CEP97: variants seen among roughly 807,000 people sequenced by gnomAD.
CEP97 encodes the protein centrosomal protein 97.
A neutral mutation model predicts 73.1 loss-of-function variants in CEP97; 43 were observed. That is an observed-to-expected ratio of 0.59 (90% confidence interval 0.46 to 0.76). The LOEUF is 0.76. Among genes scored for constraint, CEP97 ranks in the 30% least tolerant of loss-of-function variants. The pLI is 0.00. For synonymous variants in CEP97, 337 were observed against 370.0 expected (o/e 0.91, Z 1.02); for missense variants, 939 against 1,014.0 (o/e 0.93, Z 1.00).
chr3:101,750,500 C>T (rs1282086016), intron 6 of CEP97, among the ~76,000 whole-genome samples: 1 of 152,114 alleles, frequency 6.6e-6, no homozygotes, highest in Non-Finnish European at 1.5e-5. Context: ...CCAGTTCCTC[C>T]TTGTACCTCT....
At chr3:101,743,060 A>G (rs1467582858) in intron 6 of CEP97, among the ~76,000 whole-genome samples, 2 of 152,038 alleles carry the variant, frequency 1.3e-5, no homozygotes, top group Non-Finnish European at 2.9e-5. Flanking sequence ...TCTGGGCAAT[A>G]TGGTGAAACC....
Position 101,724,682 on chromosome 3 carries a change from G to A in CEP97, c.6G>A (p.Ala2=), listed in dbSNP as rs1937817605. ...ATTATTAGCAAGCAGCAAATATGGCGGTGGCGCGCGTGGACGCGGCTTTGC... is the reference window on the plus strand; with the variant it reads ...ATTATTAGCAAGCAGCAAATATGGCAGTGGCGCGCGTGGACGCGGCTTTGC... M[A]VARVDAALPP... is the part of the protein sequence containing the mutation. Residue 2 remains alanine, a synonymous_variant, in exon 1 of 11, where the codon GCG becomes GCA. Coordinates refer to ENST00000341893, the MANE Select transcript of CEP97 (RefSeq NM_024548.4). 6.2e-7 allele frequency: 1 copy of A among 1,614,224 alleles called. No homozygotes were observed. Among genetic ancestry groups the A allele is most frequent in the Non-Finnish European group, 8.5e-7 (1 of 1,180,036 alleles).
At chr3:101,749,575 C>A (rs1220185820) in intron 6 of CEP97, among the ~76,000 whole-genome samples, 1 of 131,160 alleles carries the variant, frequency 7.6e-6, no homozygotes, top group South Asian at 2.5e-4. Context: ...GCCACACTGA[C>A]TTCCACAATG....
Position 101,755,512 on chromosome 3 carries a change from G to A in CEP97, c.811G>A (p.Ala271Thr), listed in dbSNP as rs567184992. The change falls in exon 7 of 11, where the codon GCT (alanine) becomes ACT (threonine). Residue 271 changes from alanine (A) to threonine (T), a missense_variant. Coordinates refer to ENST00000341893, the MANE Select transcript of CEP97 (RefSeq NM_024548.4). ...GCACATCCAGCTTGTCCAATATCTG[G>A]CTACAGTCTGCCCCCTCACTTCTAC... ...GQHIQLVQYL[A>T]TVCPLTSTLG... 250 of 1,613,886 alleles carry A rather than the reference G, an allele frequency of 1.5e-4. 1 individual carries two copies. The South Asian group carries it at 2.1e-3, about 14-fold the overall frequency.
chr3:101,735,336 C>A (rs893940632), intron 6 of CEP97, among the ~76,000 whole-genome samples: 1 of 152,188 alleles, frequency 6.6e-6, no homozygotes. Flanking sequence ...GAAGAGTGGG[C>A]TCCCACTTGG....
At chr3:101,738,882 A>C (rs1440587553) in intron 6 of CEP97, among the ~76,000 whole-genome samples, 3 of 152,214 alleles carry the variant, frequency 2.0e-5, no homozygotes, top group Non-Finnish European at 2.9e-5. Context: ...TCAAAAAATC[A>C]ATGAATTCAG....
intron 7 of CEP97, among the ~76,000 whole-genome samples, chr3:101,756,685 T>C (rs2107182819): frequency 6.6e-6 from 1 of 152,266 alleles, no homozygotes; most frequent in South Asian, 2.1e-4. Context: ...ACCTATTTGT[T>C]CTTTAATGTA....
At chr3:101,753,997 G>T (rs556260211) in intron 6 of CEP97, among the ~76,000 whole-genome samples, 2 of 150,004 alleles carry the variant, frequency 1.3e-5, no homozygotes, top group Non-Finnish European at 3.0e-5. Context: ...CTTCTGCATC[G>T]CTCATGCTGG....
chr3:101,754,895 G>A (rs761666623), intron 6 of CEP97, among the ~76,000 whole-genome samples: 2 of 140,528 alleles, frequency 1.4e-5, no homozygotes, highest in Non-Finnish European at 3.1e-5. Flanking sequence ...ATTCAGGTTT[G>A]ATTTTTTTTT....
Position 101,765,259 on chromosome 3 carries a change from A to G in CEP97, c.2306A>G (p.Asn769Ser), listed in dbSNP as rs990321778. ...NKESSNNEQD[N>S]SLLEQYLTSV... ...GAAAGCTCAAATAACGAGCAGGACA[A>G]TAGTCTGCTTGAACAGTATTTAACT... The change falls in exon 11 of 11, where the codon AAT becomes AGT. Residue 769 changes from asparagine to serine, a missense_variant. By Grantham distance (46) the Asn-to-Ser change is conservative. Transcript: ENST00000341893. 3.1e-6 allele frequency: 5 copies of G among 1,614,220 alleles called. No homozygotes were observed. Among genetic ancestry groups the G allele is most frequent in the Middle Eastern group, 3.3e-4 (2 of 6,062 alleles).
At chr3:101,724,981 C>G (rs1464763618) in intron 1 of CEP97, among the ~76,000 whole-genome samples, 2 of 152,202 alleles carry the variant, frequency 1.3e-5, no homozygotes, top group East Asian at 1.9e-4. Flanking sequence ...CTCCCGCGCT[C>G]CCGATGCTGA....
At chr3:101,749,108 A>C (rs1938718784) in intron 6 of CEP97, among the ~76,000 whole-genome samples, 1 of 150,534 alleles carries the variant, frequency 6.6e-6, no homozygotes. Flanking sequence ...CTCGTCATTT[A>C]GCATTAGGTA....
At chr3:101,762,792 CA>C (rs1406554303) in intron 10 of CEP97, among the ~76,000 whole-genome samples, 1 of 152,118 alleles carries the variant, frequency 6.6e-6, no homozygotes, top group East Asian at 1.9e-4. Flanking sequence ...TAGTATAAAG[CA>C]GGAGGAAAGT....
chr3:101,736,317 G>A lies in CEP97; in HGVS notation c.728+3663G>A, dbSNP rs542090324. Among the ~76,000 whole-genome samples, 11 of 152,292 alleles carry A rather than the reference G, an allele frequency of 7.2e-5. No individual in the cohort carries two copies. The South Asian group carries it at 1.7e-3, about 23-fold the overall frequency. ...CTGCCTCCCGGCTCTGTAAGAGAGCGATGGATCTCCCAACACAGCCCTTGA... is the reference window on the plus strand; with the variant it reads ...CTGCCTCCCGGCTCTGTAAGAGAGCAATGGATCTCCCAACACAGCCCTTGA... On this transcript the variant is annotated intron_variant, in intron 6 of 10. Transcript: ENST00000341893.
chr3:101,750,924 C>T (rs1026623419), intron 6 of CEP97, among the ~76,000 whole-genome samples: 2 of 152,134 alleles, frequency 1.3e-5, no homozygotes, highest in African/African-American at 4.8e-5. Flanking sequence ...CAGTTCTGCT[C>T]TGATGTTAGT....
intron 6 of CEP97, among the ~76,000 whole-genome samples, chr3:101,751,610 A>C (rs1489217813): frequency 6.6e-6 from 1 of 152,192 alleles, no homozygotes; most frequent in Non-Finnish European, 1.5e-5. Context: ...TATTTGGTGC[A>C]TATATATTTA....
intron 6 of CEP97, among the ~76,000 whole-genome samples, chr3:101,735,982 T>C (rs1244093362): frequency 6.6e-6 from 1 of 152,124 alleles, no homozygotes; most frequent in Non-Finnish European, 1.5e-5. Flanking sequence ...CAGTCTGAAG[T>C]CGACCTGGGA....
chr3:101,726,348 A>G (rs913104802), intron 1 of CEP97, among the ~76,000 whole-genome samples: 3 of 152,232 alleles, frequency 2.0e-5, no homozygotes, highest in Non-Finnish European at 4.4e-5. Context: ...TTCAAAGTAT[A>G]TCTTAGCAAC....
chr3:101,765,461 A>G lies in CEP97; in HGVS notation c.2508A>G (p.Gln836=), dbSNP rs1576704817. 6.2e-7 allele frequency: 1 copy of G among 1,614,196 alleles called. No individual in the cohort carries two copies. The highest frequency in any genetic ancestry group is 8.5e-7 in the Non-Finnish European group (1 of 1,180,026). The part of the protein sequence containing the change: ...PPLQGEISQT[Q]ENSKLNAEVQ... ...TGCAAGGTGAAATTAGCCAGACACA[A>G]GAGAATTCTAAATTAAATGCAGAAG... The change falls in exon 11 of 11, where the codon CAA becomes CAG. Residue 836 remains glutamine (Q), a synonymous_variant. Coordinates refer to ENST00000341893, the MANE Select transcript of CEP97 (RefSeq NM_024548.4).
Sources: gnomAD v4.1 joint callset for allele counts (sites outside exome capture counted in the v4.1 genomes callset) on GRCh38, gnomAD v4.1.1 for gene constraint, MANE v1.5 for transcripts, NCBI Gene and HGNC (gene_info 2026-07-23, HGNC 2026-07-21) for gene names.